TENM2: variants seen among roughly 807,000 people sequenced by gnomAD.
The protein encoded by TENM2 is teneurin transmembrane protein 2, also known as teneurin-2.
TENM2 carries 52 observed loss-of-function variants against 245.2 expected under a neutral mutation model. The ratio of observed to expected loss-of-function variants is 0.21; its 90% CI spans 0.17 to 0.27. The LOEUF (loss-of-function observed/expected upper bound fraction) is 0.27, where lower values mean the gene tolerates loss of function less well. Among genes scored for constraint, TENM2 ranks in the 10% least tolerant of loss-of-function variants. The pLI, the probability that TENM2 is intolerant of heterozygous loss-of-function variation, is 1.00. For synonymous variants in TENM2, 1,363 were observed against 1,438.9 expected, an observed-to-expected ratio of 0.95 and a Z score of 1.19; for missense variants, 3,046 against 3,666.8, an observed-to-expected ratio of 0.83 and a Z score of 4.37.
At chr5:167,877,917 C>T (rs903636266) in intron 3 of TENM2, among the ~76,000 whole-genome samples, 4 of 152,076 alleles carry the variant, frequency 2.6e-5, no homozygotes, top group African/African-American at 7.2e-5. Context: ...ACTATGTAAT[C>T]GTGATGAATA....
intron 10 of TENM2, among the ~76,000 whole-genome samples, chr5:168,123,324 G>T (rs574583340): frequency 6.6e-6 from 1 of 151,920 alleles, no homozygotes; most frequent in Non-Finnish European, 1.5e-5. Context: ...AAACAAAAAA[G>T]GCATTATTTT....
intron 4 of TENM2, among the ~76,000 whole-genome samples, chr5:167,984,370 A>G (rs1412196060): frequency 6.6e-6 from 1 of 152,228 alleles, no homozygotes; most frequent in Non-Finnish European, 1.5e-5. Context: ...TAAAATGTAT[A>G]TACTTGACCC....
chr5:167,769,961 G>A (rs978566297), intron 2 of TENM2, among the ~76,000 whole-genome samples: 2 of 152,066 alleles, frequency 1.3e-5, no homozygotes, highest in Admixed American at 6.5e-5. Context: ...ATTCACAATT[G>A]TATGGCTAGA....
At chr5:167,373,082 A>G (rs1304866553) in intron 1 of TENM2, among the ~76,000 whole-genome samples, 1 of 152,222 alleles carries the variant, frequency 6.6e-6, no homozygotes, top group African/African-American at 2.4e-5. Context: ...CCATGCTGAC[A>G]GGAACCTGCA....
chr5:167,647,333 C>T (rs1260771023), intron 2 of TENM2, among the ~76,000 whole-genome samples: 1 of 152,012 alleles, frequency 6.6e-6, no homozygotes, highest in African/African-American at 2.4e-5. Context: ...CATAAGAAAA[C>T]GAGGATGGCC....
At chr5:167,238,131 C>T in the TENM2 span, among the ~76,000 whole-genome samples, 1 of 151,626 alleles carries the variant, frequency 6.6e-6, no homozygotes, top group Non-Finnish European at 1.5e-5. Flanking sequence ...GGTTGGATTC[C>T]TAATATGAAG....
chr5:167,061,595 A>C, the TENM2 span, among the ~76,000 whole-genome samples: 4 of 152,198 alleles, frequency 2.6e-5, no homozygotes, highest in Admixed American at 1.3e-4. Flanking sequence ...TCTCACAGAG[A>C]TAATTGATAA....
At chr5:167,008,998 G>T in the TENM2 span, among the ~76,000 whole-genome samples, 1 of 152,084 alleles carries the variant, frequency 6.6e-6, no homozygotes, top group South Asian at 2.1e-4. Flanking sequence ...ATGATCAGAG[G>T]CCTGGCTGTC....
chr5:167,448,092 C>T lies in TENM2; in HGVS notation c.502+72619C>T, dbSNP rs139910194. On this transcript the variant is annotated intron_variant, in intron 2 of 28. Coordinates refer to ENST00000518659, the Ensembl canonical transcript of TENM2. ...CCTACTTATCAACATGAAACATCTGCTTCAGCTACAGTGGTTCCCAGTGGC... is the reference window on the plus strand; with the variant it reads ...CCTACTTATCAACATGAAACATCTGTTTCAGCTACAGTGGTTCCCAGTGGC... Among the ~76,000 whole-genome samples, 441 of 152,272 alleles carry T rather than the reference C, an allele frequency of 2.9e-3. 2 individuals are homozygous for T. The highest frequency in any genetic ancestry group is 9.6e-3 in the African/African-American group (399 of 41,558).
chr5:167,074,687 G>A, the TENM2 span, among the ~76,000 whole-genome samples: 1 of 152,200 alleles, frequency 6.6e-6, no homozygotes, highest in Non-Finnish European at 1.5e-5. Flanking sequence ...GTCTACCACG[G>A]CTAGTTTTCC....
At chr5:168,210,507 G>A (rs1011345100) in intron 19 of TENM2, among the ~76,000 whole-genome samples, 4 of 152,132 alleles carry the variant, frequency 2.6e-5, no homozygotes, top group East Asian at 1.9e-4. Flanking sequence ...TAAAATAGAC[G>A]CGAGAATTCC....
chr5:168,013,400 T>G (rs990182347), intron 5 of TENM2, among the ~76,000 whole-genome samples: 6 of 152,112 alleles, frequency 3.9e-5, no homozygotes, highest in South Asian at 2.1e-4. Flanking sequence ...GGTCAGGAGT[T>G]CAAGACCAGC....
chr5:167,226,290 G>A, the TENM2 span, among the ~76,000 whole-genome samples: 12 of 151,670 alleles, frequency 7.9e-5, no homozygotes, highest in Admixed American at 7.9e-4. Context: ...TAGGCATTTA[G>A]CCTTTTCTCT....
At chr5:167,919,074 T>C (rs1395338987) in intron 3 of TENM2, among the ~76,000 whole-genome samples, 3 of 152,206 alleles carry the variant, frequency 2.0e-5, no homozygotes, top group Non-Finnish European at 4.4e-5. Context: ...CTCTATTTCT[T>C]GCTTTTGTCT....
intron 2 of TENM2, among the ~76,000 whole-genome samples, chr5:167,377,421 G>A (rs1029599275): frequency 6.6e-6 from 1 of 152,034 alleles, no homozygotes; most frequent in African/African-American, 2.4e-5. Flanking sequence ...TGGCTGGCAA[G>A]GCACAAAGGA....
At chr5:167,778,081 C>T (rs746470868) in intron 2 of TENM2, among the ~76,000 whole-genome samples, 9 of 152,146 alleles carry the variant, frequency 5.9e-5, no homozygotes, top group African/African-American at 1.4e-4. Context: ...TATTTGCTAT[C>T]TAGCCTTTTA....
the TENM2 span, among the ~76,000 whole-genome samples, chr5:167,144,760 G>A: frequency 6.6e-6 from 1 of 152,182 alleles, no homozygotes; most frequent in Admixed American, 6.5e-5. Context: ...CTGTCCGTGT[G>A]CTGTGACATT....
chr5:167,346,644 A>C (rs2127828645), intron 1 of TENM2, among the ~76,000 whole-genome samples: 1 of 152,334 alleles, frequency 6.6e-6, no homozygotes, highest in East Asian at 1.9e-4. Context: ...TAAGCTAACA[A>C]GTCTGCCAGT....
At chr5:167,229,022 A>T in the TENM2 span, among the ~76,000 whole-genome samples, 1 of 152,114 alleles carries the variant, frequency 6.6e-6, no homozygotes, top group Admixed American at 6.6e-5. Flanking sequence ...ATTTGATTCC[A>T]TAAGGGAGTT....
Sources: allele counts gnomAD v4.1 joint callset (sites outside exome capture counted in the v4.1 genomes callset), GRCh38; gene constraint gnomAD v4.1.1; transcripts MANE v1.5; gene names NCBI Gene and HGNC (gene_info 2026-07-23, HGNC 2026-07-21).